ZNF567: variants seen among roughly 807,000 people sequenced by gnomAD.
The protein encoded by ZNF567 is zinc finger protein 567.
In ZNF567, 36 loss-of-function variants were observed where a neutral mutation model predicts 53.9. The observed-to-expected ratio is 0.67, with a 90% CI of 0.51 to 0.88. The LOEUF (loss-of-function observed/expected upper bound fraction) is 0.88. ZNF567 is among the 40% of genes least tolerant of loss of function. ZNF567 has a pLI of 0.00. For synonymous variants in ZNF567, 224 were observed against 260.4 expected, an observed-to-expected ratio of 0.86 and a Z score of 1.35; for missense variants, 619 against 764.7, an observed-to-expected ratio of 0.81 and a Z score of 2.25.
intron 3 of ZNF567, among the ~76,000 whole-genome samples, chr19:36,696,266 C>T (rs1386921636): frequency 6.6e-6 from 1 of 152,114 alleles, no homozygotes; most frequent in Non-Finnish European, 1.5e-5. Context: ...CGTATCTGGA[C>T]CTCTTAAATA....
chr19:36,690,452 C>T (rs776153216), intron 2 of ZNF567, among the ~76,000 whole-genome samples: 2 of 151,806 alleles, frequency 1.3e-5, no homozygotes, highest in Admixed American at 1.3e-4. Context: ...ATTAGCCAGG[C>T]GTAGTGGCAC....
Position 36,692,143 on chromosome 19 carries a change from A to G in ZNF567, c.-67+2646A>G, listed in dbSNP as rs188533821. 4.6e-4 allele frequency among the ~76,000 whole-genome samples: 70 copies of G among 152,296 alleles called. No homozygotes were observed. In the Middle Eastern group the frequency reaches 0.01, roughly 22 times the overall value. ...CACATTCGGGTCTTTTTGTAGATAC[A>G]TGTCTTTGTTTGTCATGGATAGATA... On this transcript the variant is annotated intron_variant, in intron 2 of 5. Transcript: ENST00000682579.
At chr19:36,718,246 T>G (rs2040151765) in intron 5 of ZNF567, among the ~76,000 whole-genome samples, 1 of 152,166 alleles carries the variant, frequency 6.6e-6, no homozygotes, top group Non-Finnish European at 1.5e-5. Context: ...ATACCTGTAA[T>G]CCCAGCATTT....
In ZNF567 at chr19:36,700,963, A is replaced by C. The variant is rs533521021; in HGVS notation, c.9+6087A>C. Among the ~76,000 whole-genome samples the C allele has an allele frequency of 3.0e-3, 448 of 151,862 alleles. 2 individuals are homozygous for C. The highest frequency in any genetic ancestry group is 0.01 in the African/African-American group (422 of 41,404). On this transcript the variant is annotated intron_variant, in intron 3 of 5. Coordinates refer to ENST00000682579, the MANE Select transcript of ZNF567 (RefSeq NM_001322917.1). The stretch of plus-strand genomic sequence containing the variant: ...TTTTAGTTATTTCTTGCCTTCTGCT[A>C]GCTTTTGAATGTGTTTGCTCTTGCT...
At chr19:36,710,480 TG>T (rs2039725500) in intron 3 of ZNF567, among the ~76,000 whole-genome samples, 1 of 152,184 alleles carries the variant, frequency 6.6e-6, no homozygotes, top group Admixed American at 6.5e-5. Flanking sequence ...ATATCTGTTA[TG>T]TTCTTCTGAG....
Position 36,720,363 on chromosome 19 carries a change from A to T in ZNF567, c.1639A>T (p.Thr547Ser). The change falls in exon 6 of 6, where the codon ACC (threonine) becomes TCC (serine). Residue 547 changes from threonine (T) to serine (S), a missense_variant. Physicochemically the swap from Thr to Ser is moderately conservative, Grantham distance 58. Coordinates refer to ENST00000682579, the MANE Select transcript of ZNF567 (RefSeq NM_001322917.1). ...TGGGAAGTCCTTTCGCCAGAAAGCA[A>T]CCCTCACTGTACATCAGAAAATACA... ...ECGKSFRQKA[T>S]LTVHQKIHTG... 6.2e-7 allele frequency: 1 copy of T among 1,614,214 alleles called. No homozygotes were observed. Among genetic ancestry groups the T allele is most frequent in the Non-Finnish European group, 8.5e-7 (1 of 1,180,040 alleles).
At chr19:36,726,982 T>TTCTCTTTCTTTCTTTCTTTCTTTC (rs375360156), downstream of ZNF567, 3 of 55,390 alleles carry the variant, frequency 5.4e-5, no homozygotes, top group African/African-American at 1.4e-4. Context: ...CTTTCTTTCT[T>TTCTCTTTCTTTCTTTCTTTCTTTC]TTTCTTTCTT....
At chr19:36,689,143 A>G (rs2038447460) in intron 1 of ZNF567, among the ~76,000 whole-genome samples, 1 of 152,022 alleles carries the variant, frequency 6.6e-6, no homozygotes, top group South Asian at 2.1e-4. Context: ...GTATTGACTG[A>G]TGACTGATAT....
Position 36,720,641 on chromosome 19 carries a change from C to G in ZNF567, c.1917C>G (p.His639Gln). ...ACCTCATTGTCCATCAAAGAACTCACAAGGGAGAAAACATTGAAATGCAAT... is the reference window on the plus strand; with the variant it reads ...ACCTCATTGTCCATCAAAGAACTCAGAAGGGAGAAAACATTGAAATGCAAT... ...KRNLIVHQRTHKGENIEMQ is the reference protein window; with the variant it reads ...KRNLIVHQRTQKGENIEMQ Residue 639 changes from histidine to glutamine, a missense_variant, in exon 6 of 6, where the codon CAC (histidine) becomes CAG (glutamine). Transcript: ENST00000682579. 1 of 1,554,588 alleles carries G rather than the reference C, an allele frequency of 6.4e-7. No individual in the cohort carries two copies. Among genetic ancestry groups the G allele is most frequent in the Non-Finnish European group, 8.7e-7 (1 of 1,152,810 alleles).
At chr19:36,672,544 G>A in the ZNF567 span, among the ~76,000 whole-genome samples, 1 of 152,154 alleles carries the variant, frequency 6.6e-6, no homozygotes. Context: ...TGAAAGTTAT[G>A]CATGGGCTCA....
chr19:36,701,192 T>C (rs2039164651), intron 3 of ZNF567, among the ~76,000 whole-genome samples: 1 of 152,360 alleles, frequency 6.6e-6, no homozygotes, highest in Middle Eastern at 3.4e-3. Flanking sequence ...CCAGTAGTCA[T>C]TCAGGAGCAG....
intron 3 of ZNF567, among the ~76,000 whole-genome samples, chr19:36,702,131 A>G (rs1372461305): frequency 1.3e-5 from 2 of 151,998 alleles, no homozygotes; most frequent in Admixed American, 6.6e-5. Flanking sequence ...GGTGACAAAA[A>G]TCTCTCAGCA....
the ZNF567 span, chr19:36,668,820 T>A: frequency 6.6e-6 from 1 of 152,192 alleles, no homozygotes; most frequent in African/African-American, 2.4e-5. Flanking sequence ...TTCTCATTCA[T>A]GTATGTGAGA....
At chr19:36,709,911 A>G (rs937993755) in intron 3 of ZNF567, among the ~76,000 whole-genome samples, 1 of 152,174 alleles carries the variant, frequency 6.6e-6, no homozygotes, top group Non-Finnish European at 1.5e-5. Context: ...GGATTTGGCT[A>G]AGTGTGGTTT....
At chr19:36,695,253 G>A (rs1362009875) in intron 3 of ZNF567, among the ~76,000 whole-genome samples, 4 of 151,806 alleles carry the variant, frequency 2.6e-5, no homozygotes, top group Non-Finnish European at 1.5e-5. Flanking sequence ...AATAGGCCAG[G>A]CGCGGTGGCT....
At chr19:36,726,224 G>T (rs1251253784), downstream of ZNF567, among the ~76,000 whole-genome samples, 1 of 152,118 alleles carries the variant, frequency 6.6e-6, no homozygotes, top group Admixed American at 6.5e-5. Context: ...GCATTTTTAT[G>T]ATGTCTGCTT....
At chr19:36,676,055 C>CTT in the ZNF567 span, among the ~76,000 whole-genome samples, 1,705 of 60,540 alleles carry the variant, frequency 0.028, 484 homozygotes, top group African/African-American at 0.047. Flanking sequence ...TATTCTACAC[C>CTT]TTTTTTTTTT....
chr19:36,703,071 C>G (rs1307809862), intron 3 of ZNF567, among the ~76,000 whole-genome samples: 1 of 151,676 alleles, frequency 6.6e-6, no homozygotes, highest in Non-Finnish European at 1.5e-5. Flanking sequence ...TACTTTTGGT[C>G]TTTGATGATG....
chr19:36,678,611 A>C, the ZNF567 span, among the ~76,000 whole-genome samples: 1 of 149,746 alleles, frequency 6.7e-6, no homozygotes, highest in African/African-American at 2.5e-5. Context: ...CTGGGAGGCC[A>C]AGGTGGGTGG....
Sources: gnomAD v4.1 joint callset for allele counts (sites outside exome capture counted in the v4.1 genomes callset) on GRCh38, gnomAD v4.1.1 for gene constraint, MANE v1.5 for transcripts, NCBI Gene and HGNC (gene_info 2026-07-23, HGNC 2026-07-21) for gene names.